SLC8A1: variants seen among roughly 807,000 people sequenced by gnomAD.
The protein encoded by SLC8A1 is solute carrier family 8 member A1.
SLC8A1 carries 18 observed loss-of-function variants against 68.3 expected under a neutral mutation model. That is an observed-to-expected ratio of 0.26 (90% CI 0.18 to 0.39). The LOEUF (loss-of-function observed/expected upper bound fraction) is 0.39. Among genes scored for constraint, SLC8A1 ranks in the 10% least tolerant of loss-of-function variants. The probability of loss-of-function intolerance (pLI) is 1.00; values close to 1 mark genes in which losing one functional copy is unlikely to be tolerated. For missense variants in SLC8A1, 985 were observed against 1,156.7 expected (o/e 0.85, Z 2.15); for synonymous variants, 475 against 415.5 (o/e 1.14, Z -1.74).
At chr2:40,258,032 C>T (rs530001512) in intron 2 of SLC8A1, among the ~76,000 whole-genome samples, 9 of 152,236 alleles carry the variant, frequency 5.9e-5, no homozygotes, top group Non-Finnish European at 7.4e-5. Context: ...GTGATGCTGA[C>T]AATAATTAAG....
At position 40,289,565 on chromosome 2, in the gene SLC8A1, A is replaced by G. The variant is rs549976054; in HGVS notation, c.1809-111710T>C. 1.6e-4 allele frequency among the ~76,000 whole-genome samples: 25 copies of G among 152,216 alleles called. No individual in the cohort carries two copies. The East Asian group carries it at 4.6e-3, about 28-fold the overall frequency. ...AAAAAAAAGTTATTAAAAAAAGAGG[A>G]AACAGCCCAGTGCAGTGGCTCATGG... On this transcript the variant is annotated intron_variant, in intron 2 of 7. Coordinates refer to ENST00000406785, the Ensembl canonical transcript of SLC8A1.
chr2:40,429,916 G>A, exon 2 of SLC8A1: 1 of 1,613,474 alleles, frequency 6.2e-7, no homozygotes, highest in Non-Finnish European at 8.5e-7. Context: ...TGTCTTGGTG[G>A]TCTCTCCATT....
chr2:40,299,973 C>T (rs2071137157), intron 2 of SLC8A1, among the ~76,000 whole-genome samples: 1 of 152,118 alleles, frequency 6.6e-6, no homozygotes, highest in Non-Finnish European at 1.5e-5. Flanking sequence ...ACATTCCTGG[C>T]TTTTGGGAAA....
rs534938170 is a variant in SLC8A1, at chr2:40,165,628, A to G, written c.1931-644T>C. Among the ~76,000 whole-genome samples the G allele has an allele frequency of 5.9e-5, 9 of 152,332 alleles. No homozygotes were observed. In the East Asian group the frequency reaches 1.7e-3, roughly 29 times the overall value. ...AAAATTTGTTAGGAAAACCTTGGCC[A>G]TGTTAATCTTAAAGTAAACAGGGAG... On this transcript the variant is annotated intron_variant, in intron 4 of 7. Coordinates refer to ENST00000406785, the Ensembl canonical transcript of SLC8A1.
At chr2:40,292,692 G>T (rs2069551799) in intron 2 of SLC8A1, among the ~76,000 whole-genome samples, 1 of 152,082 alleles carries the variant, frequency 6.6e-6, no homozygotes. Flanking sequence ...AGAAAATAAT[G>T]GTTCCCCTCT....
intron 2 of SLC8A1, among the ~76,000 whole-genome samples, chr2:40,326,408 C>T (rs748141851): frequency 1.3e-4 from 20 of 151,588 alleles, no homozygotes; most frequent in African/African-American, 4.1e-4. Context: ...AACCACAGTG[C>T]TTCTATTTGA....
intron 7 of SLC8A1, among the ~76,000 whole-genome samples, chr2:40,124,676 CA>C (rs2037675326): frequency 6.6e-6 from 1 of 152,144 alleles, no homozygotes; most frequent in Admixed American, 6.5e-5. Context: ...GCTCTAGAGG[CA>C]ATTTTACAAA....
At chr2:40,262,251 G>A (rs569229164) in intron 2 of SLC8A1, among the ~76,000 whole-genome samples, 22 of 152,242 alleles carry the variant, frequency 1.4e-4, no homozygotes, top group South Asian at 4.2e-4. Context: ...ATGAGCCACC[G>A]CACCCGGCCC....
intron 6 of SLC8A1, among the ~76,000 whole-genome samples, chr2:40,140,307 T>C (rs924219014): frequency 6.6e-6 from 1 of 152,246 alleles, no homozygotes; most frequent in African/African-American, 2.4e-5. Flanking sequence ...CTCCTACTTT[T>C]GTTCTTTAGA....
chr2:40,283,915 A>C (rs867048929), intron 2 of SLC8A1, among the ~76,000 whole-genome samples: 22 of 151,924 alleles, frequency 1.4e-4, no homozygotes, highest in African/African-American at 5.3e-4. Context: ...ACTACCCCCC[A>C]CCTTTTATTT....
chr2:40,207,897 A>G (rs1430105506), intron 2 of SLC8A1, among the ~76,000 whole-genome samples: 1 of 152,110 alleles, frequency 6.6e-6, no homozygotes, highest in Non-Finnish European at 1.5e-5. Flanking sequence ...AGGCACCAAA[A>G]TATGTGCTAG....
intron 2 of SLC8A1, among the ~76,000 whole-genome samples, chr2:40,419,111 G>A (rs912621192): frequency 6.6e-6 from 1 of 152,218 alleles, no homozygotes; most frequent in Non-Finnish European, 1.5e-5. Flanking sequence ...CAGAGGCTAT[G>A]TCTTAGGTAC....
intron 2 of SLC8A1, among the ~76,000 whole-genome samples, chr2:40,353,416 C>A (rs113223872): frequency 2.0e-5 from 3 of 152,130 alleles, no homozygotes; most frequent in African/African-American, 7.2e-5. Flanking sequence ...TCTCCGCAGG[C>A]TCTCCAAGGC....
intron 2 of SLC8A1, among the ~76,000 whole-genome samples, chr2:40,301,624 C>T (rs1365200074): frequency 6.6e-6 from 1 of 152,144 alleles, no homozygotes; most frequent in Non-Finnish European, 1.5e-5. Flanking sequence ...GGATAAAAGA[C>T]TACAAATTGG....
intron 2 of SLC8A1, among the ~76,000 whole-genome samples, chr2:40,216,401 T>A (rs1341430591): frequency 6.6e-6 from 1 of 152,200 alleles, no homozygotes; most frequent in Non-Finnish European, 1.5e-5. Flanking sequence ...ATCTAGTCTA[T>A]CATTGATGGG....
intron 1 of SLC8A1, among the ~76,000 whole-genome samples, chr2:40,460,619 GC>G (rs1416850019): frequency 1.3e-5 from 2 of 148,162 alleles, no homozygotes; most frequent in African/African-American, 2.5e-5. Context: ...TCGCCCTGTT[GC>G]CCAGGCTGGA....
intron 6 of SLC8A1, among the ~76,000 whole-genome samples, chr2:40,140,253 A>C (rs914947555): frequency 5.9e-5 from 9 of 152,228 alleles, no homozygotes; most frequent in African/African-American, 2.2e-4. Context: ...ATTATATGCC[A>C]AAAAATGAAA....
intron 2 of SLC8A1, among the ~76,000 whole-genome samples, chr2:40,383,507 T>C (rs543054516): frequency 1.2e-4 from 19 of 152,234 alleles, no homozygotes; most frequent in Admixed American, 2.0e-4. Context: ...ATATTTGCCA[T>C]GTGACAGACC....
chr2:40,302,779 TG>T lies in SLC8A1; in HGVS notation c.1809-124925del, dbSNP rs1165398764. Among the ~76,000 whole-genome samples, 4 of 152,292 alleles carry T rather than the reference TG, an allele frequency of 2.6e-5. No individual in the cohort carries two copies. The East Asian group carries it at 7.7e-4, about 29-fold the overall frequency. On this transcript the variant is annotated intron_variant, in intron 2 of 7. Coordinates refer to ENST00000406785, the Ensembl canonical transcript of SLC8A1. ...CCAGGAGTGGAATTACTGGATCAAA[TG>T]GTAGTTCCACTTTTAGTTATTTAAG...
Sources: gnomAD v4.1 joint callset for allele counts (sites outside exome capture counted in the v4.1 genomes callset) on GRCh38, gnomAD v4.1.1 for gene constraint, MANE v1.5 for transcripts, NCBI Gene and HGNC (gene_info 2026-07-23, HGNC 2026-07-21) for gene names.